SLC33A2: variants seen among roughly 807,000 people sequenced by gnomAD.
The protein encoded by SLC33A2 is major facilitator superfamily domain containing 3.
the SLC33A2 span, chr8:144,511,192 C>T: frequency 1.9e-6 from 3 of 1,598,074 alleles, no homozygotes; most frequent in Non-Finnish European, 2.6e-6. Flanking sequence ...GTCAATAAAG[C>T]CACATGTGCC....
chr8:144,510,100 C>T, the SLC33A2 span: 9 of 1,448,832 alleles, frequency 6.2e-6, no homozygotes, highest in East Asian at 2.5e-5. Context: ...CAACCCATTA[C>T]AGGGCCACGC....
the SLC33A2 span, chr8:144,510,109 GCT>G: frequency 3.5e-6 from 5 of 1,423,062 alleles, no homozygotes; most frequent in South Asian, 5.3e-5. Flanking sequence ...ACAGGGCCAC[GCT>G]CTTTCTGGGG....
chr8:144,509,766 C>A, the SLC33A2 span: 2 of 1,560,194 alleles, frequency 1.3e-6, no homozygotes, highest in South Asian at 2.3e-5. Context: ...CGCGTACAAG[C>A]TGGGGGCCGC....
the SLC33A2 span, chr8:144,509,638 C>T: frequency 1.3e-6 from 2 of 1,543,014 alleles, no homozygotes; most frequent in Non-Finnish European, 1.7e-6. Flanking sequence ...GCCGCTGTGG[C>T]GGGGTTGCTG....
the SLC33A2 span, chr8:144,510,958 C>T: frequency 6.3e-7 from 1 of 1,599,478 alleles, no homozygotes; most frequent in Non-Finnish European, 8.5e-7. Context: ...GCTGTGTGGG[C>T]CTGACCTTGA....
the SLC33A2 span, chr8:144,510,482 G>A: frequency 1.2e-6 from 2 of 1,612,704 alleles, no homozygotes; most frequent in Non-Finnish European, 1.7e-6. Flanking sequence ...CTCCTCCCTG[G>A]GTGGGACCTT....
At chr8:144,509,838 C>G in the SLC33A2 span, 1 of 1,537,830 alleles carries the variant, frequency 6.5e-7, no homozygotes. Context: ...ACTCTTTCTG[C>G]TCCTGGCTGC....
chr8:144,509,340 G>A, the SLC33A2 span: 4 of 1,465,752 alleles, frequency 2.7e-6, no homozygotes, highest in African/African-American at 5.9e-5. Context: ...CGCCATGCGC[G>A]GGAAGTTGCT....
chr8:144,511,200 GC>G, the SLC33A2 span: 1 of 1,594,662 alleles, frequency 6.3e-7, no homozygotes, highest in Non-Finnish European at 8.5e-7. Flanking sequence ...AGCCACATGT[GC>G]CTGTGGCCCA....
At chr8:144,510,733 G>A in the SLC33A2 span, 115 of 1,598,492 alleles carry the variant, frequency 7.2e-5, no homozygotes, top group Non-Finnish European at 9.1e-5. Flanking sequence ...GTGAGGGGCT[G>A]GCCTTGAGGA....
At chr8:144,509,763 A>G in the SLC33A2 span, 3 of 1,562,134 alleles carry the variant, frequency 1.9e-6, no homozygotes, top group Admixed American at 1.8e-5. Flanking sequence ...GGTCGCGTAC[A>G]AGCTGGGGGC....
chr8:144,510,037 G>A, the SLC33A2 span: 14 of 1,583,902 alleles, frequency 8.8e-6, no homozygotes, highest in Middle Eastern at 1.8e-4. Flanking sequence ...CTCGAGCCAG[G>A]CAACAGCAGT....
At chr8:144,509,611 G>A in the SLC33A2 span, 5 of 1,553,758 alleles carry the variant, frequency 3.2e-6, no homozygotes, top group East Asian at 2.4e-5. Flanking sequence ...CCTGGAGCTG[G>A]CCAGGCCGGG....
At chr8:144,510,512 G>C in the SLC33A2 span, 1 of 1,612,472 alleles carries the variant, frequency 6.2e-7, no homozygotes, top group Non-Finnish European at 8.5e-7. Context: ...GCACTGGTGA[G>C]CCCTCCCCAG....
At chr8:144,511,041 G>T in the SLC33A2 span, 1 of 1,605,026 alleles carries the variant, frequency 6.2e-7, no homozygotes. Context: ...GGAAGCTGCT[G>T]CTGGGCACTC....
the SLC33A2 span, chr8:144,511,125 C>T: frequency 8.7e-6 from 14 of 1,610,538 alleles, no homozygotes; most frequent in African/African-American, 8.0e-5. Flanking sequence ...CTGCCTTTCC[C>T]GTTCTGTACC....
the SLC33A2 span, chr8:144,510,419 C>T: frequency 5.6e-6 from 9 of 1,612,768 alleles, no homozygotes; most frequent in Admixed American, 1.7e-5. Flanking sequence ...CGTTTCTGCT[C>T]CCGAGTTGGG....
At chr8:144,510,131 C>CA in the SLC33A2 span, 1 of 1,352,600 alleles carries the variant, frequency 7.4e-7, no homozygotes. Flanking sequence ...GTATGACCTG[C>CA]AAGACTTGGC....
the SLC33A2 span, chr8:144,509,665 G>A: frequency 5.1e-6 from 8 of 1,553,484 alleles, no homozygotes; most frequent in East Asian, 2.4e-5. Context: ...TTGAACCTGG[G>A]TGCCGCCATG....
Sources: gnomAD v4.1 joint callset for allele counts on GRCh38, gnomAD v4.1.1 for gene constraint, MANE v1.5 for transcripts, NCBI Gene and HGNC (gene_info 2026-07-23, HGNC 2026-07-21) for gene names.